ADAM10: variants seen among roughly 807,000 people sequenced by gnomAD.
ADAM10 encodes ADAM metallopeptidase domain 10, also known as disintegrin and metalloproteinase domain-containing protein 10.
Under a neutral mutation model 90.1 loss-of-function variants are expected in ADAM10, and 17 were observed. The ratio of observed to expected loss-of-function variants is 0.19; its 90% confidence interval spans 0.13 to 0.28. The LOEUF (loss-of-function observed/expected upper bound fraction) is 0.28. Among genes scored for constraint, ADAM10 ranks in the 10% least tolerant of loss-of-function variants. The pLI is 1.00. For synonymous variants in ADAM10, 310 were observed against 298.6 expected, an observed-to-expected ratio of 1.04 and a Z score of -0.40; for missense variants, 610 against 914.3, an observed-to-expected ratio of 0.67 and a Z score of 4.29.
intron 5 of ADAM10, among the ~76,000 whole-genome samples, chr15:58,650,977 C>A (rs1466559638): frequency 6.6e-6 from 1 of 151,956 alleles, no homozygotes; most frequent in Non-Finnish European, 1.5e-5. Context: ...ATATATTCAT[C>A]TTTTTTATAC....
At position 58,595,253 on chromosome 15, in the gene ADAM10, A is replaced by C. The variant is rs1304484064; in HGVS notation, c.*2294T>G. The C allele has an allele frequency of 6.6e-6, 1 of 152,104 alleles. No individual in the cohort carries two copies. The allele number at this position is 152,104 out of a possible 1,614,324, so 9.4% of individuals were successfully genotyped here. A position where few individuals can be genotyped will look rare whatever the true frequency, so the allele number is the denominator to read the frequency against. On this transcript the variant is annotated 3_prime_UTR_variant, in exon 16 of 16. Coordinates refer to ENST00000260408, the MANE Select transcript of ADAM10 (RefSeq NM_001110.4). ...GTGTGTACGCAGAGTATCTAACTGG[A>C]AATTTTCTACATGGATTCCAAAGTA...
At chr15:58,631,490 G>A (rs1314669042) in intron 9 of ADAM10, among the ~76,000 whole-genome samples, 1 of 152,180 alleles carries the variant, frequency 6.6e-6, no homozygotes, top group Non-Finnish European at 1.5e-5. Flanking sequence ...CCCTACTGCA[G>A]TGTGGTTCAC....
rs1313874919 is a variant in ADAM10 at position 58,594,993 on chromosome 15, T to A, written c.*2554A>T. ...AGGTAACACTGAAATGTCAATTCTCTCCTTATTTGCTATGAAGAGAAAAAT... is the reference window on the plus strand; with the variant it reads ...AGGTAACACTGAAATGTCAATTCTCACCTTATTTGCTATGAAGAGAAAAAT... On this transcript the variant is annotated 3_prime_UTR_variant, in exon 16 of 16. Transcript: ENST00000260408. The A allele has an allele frequency of 6.6e-6, 1 of 152,170 alleles. No individual in the cohort carries two copies. The highest frequency in any genetic ancestry group is 2.4e-5 in the African/African-American group (1 of 41,448). The allele number at this position is 152,170 out of a possible 1,614,324, so 9.4% of individuals were successfully genotyped here. A position where few individuals can be genotyped will look rare whatever the true frequency, so the allele number is the denominator to read the frequency against.
At chr15:58,604,294 G>A (rs1286633472) in intron 14 of ADAM10, among the ~76,000 whole-genome samples, 2 of 152,180 alleles carry the variant, frequency 1.3e-5, no homozygotes, top group Non-Finnish European at 2.9e-5. Flanking sequence ...CTGGGAGACG[G>A]TGGTTGCAGT....
chr15:58,635,450 T>C (rs1896225309), intron 8 of ADAM10, among the ~76,000 whole-genome samples: 1 of 151,668 alleles, frequency 6.6e-6, no homozygotes, highest in African/African-American at 2.4e-5. Context: ...CAGCAAGGGG[T>C]TGAGAACTTT....
Position 58,621,460 on chromosome 15 carries a change from T to C in ADAM10, c.1511+11A>G, listed in dbSNP as rs776109511. 1.2e-5 allele frequency: 19 copies of C among 1,613,984 alleles called. No individual in the cohort carries two copies. In the South Asian group the frequency reaches 1.9e-4, roughly 16 times the overall value. The stretch of plus-strand genomic sequence containing the variant: ...ACAAGAATGTTAACATCACTGAAAT[T>C]AGCAAGGTACCTGCACTGTTTCCCA... On this transcript the variant is annotated intron_variant, in intron 11 of 15. Coordinates refer to ENST00000260408, the MANE Select transcript of ADAM10 (RefSeq NM_001110.4).
At chr15:58,639,750 C>A (rs1896365652) in intron 8 of ADAM10, among the ~76,000 whole-genome samples, 1 of 151,874 alleles carries the variant, frequency 6.6e-6, no homozygotes, top group African/African-American at 2.4e-5. Context: ...ACTTAAGATA[C>A]TGACTTTTAA....
Position 58,593,084 on chromosome 15 carries a change from A to T in ADAM10, c.*4463T>A, listed in dbSNP as rs772659383. 6.7e-6 allele frequency: 1 copy of T among 149,760 alleles called. No individual in the cohort carries two copies. The highest frequency in any genetic ancestry group is 1.5e-5 in the Non-Finnish European group (1 of 67,526). The allele number at this position is 149,760 out of a possible 1,614,324, so 9.3% of individuals were successfully genotyped here. ...CCATTAAATGAGAAAGGTGGGTTACAAAAGTGTGCATATTATGTTTTTGTC... is the reference window on the plus strand; with the variant it reads ...CCATTAAATGAGAAAGGTGGGTTACTAAAGTGTGCATATTATGTTTTTGTC... On this transcript the variant is annotated 3_prime_UTR_variant, in exon 16 of 16. Transcript: ENST00000260408.
intron 1 of ADAM10, among the ~76,000 whole-genome samples, chr15:58,728,488 A>C (rs893034874): frequency 3.9e-5 from 6 of 152,104 alleles, no homozygotes; most frequent in Non-Finnish European, 7.4e-5. Flanking sequence ...TCACACCTAT[A>C]AGCCCAGCAT....
chr15:58,691,140 G>T, intron 2 of ADAM10: 1 of 693,302 alleles, frequency 1.4e-6, no homozygotes, highest in South Asian at 1.4e-5. Flanking sequence ...GCAGGGTGAA[G>T]ACACAAGCCT....
At chr15:58,727,498 T>C (rs1433687004) in intron 1 of ADAM10, among the ~76,000 whole-genome samples, 4 of 152,140 alleles carry the variant, frequency 2.6e-5, no homozygotes, top group South Asian at 2.1e-4. Context: ...GCCTGGCTAA[T>C]CTTTCTTATT....
Position 58,646,091 on chromosome 15 carries a change from A to T in ADAM10, c.699T>A (p.Phe233Leu). Residue 233 changes from phenylalanine to leucine, a missense_variant, in exon 6 of 16, where the codon TTT becomes TTA. This residue lies in a region of ADAM10 where 310 missense variants were observed against 362.4 expected (regional missense o/e 0.86). Coordinates refer to ENST00000260408, the MANE Select transcript of ADAM10 (RefSeq NM_001110.4). Reference protein sequence around the residue: ...QLYIQTDHLFFKYYGTREAVI... With the variant: ...QLYIQTDHLFLKYYGTREAVI... ...CAGCTTCTCGTGTTCCGTAATATTT[A>T]AAGAACAAATGATCAGTCTGAATAT... The T allele has an allele frequency of 6.2e-7, 1 of 1,613,754 alleles. No individual in the cohort carries two copies. The highest frequency in any genetic ancestry group is 8.5e-7 in the Non-Finnish European group (1 of 1,179,810).
At position 58,594,238 on chromosome 15, in the gene ADAM10, G is replaced by T. The variant is rs1307149767; in HGVS notation, c.*3309C>A. The T allele has an allele frequency of 6.6e-6, 1 of 152,108 alleles. No homozygotes were observed. Among genetic ancestry groups the T allele is most frequent in the Non-Finnish European group, 1.5e-5 (1 of 68,002 alleles). 9.4% of individuals were successfully genotyped at this position (152,108 alleles called of 1,614,324 possible). On this transcript the variant is annotated 3_prime_UTR_variant, in exon 16 of 16. Transcript: ENST00000260408. ...GAATATCTCTTCTTGTACTCCTCCA[G>T]GTGAACTGTCCAGGTTTGTAATGCT...
At chr15:58,726,297 T>C (rs368379553) in intron 1 of ADAM10, among the ~76,000 whole-genome samples, 10 of 151,804 alleles carry the variant, frequency 6.6e-5, no homozygotes, top group African/African-American at 1.9e-4. Context: ...AGAGATAAAA[T>C]TGAATCATTT....
chr15:58,725,869 T>C (rs1387400316), intron 1 of ADAM10, among the ~76,000 whole-genome samples: 2 of 152,176 alleles, frequency 1.3e-5, no homozygotes, highest in Non-Finnish European at 2.9e-5. Flanking sequence ...AACGAAGCCC[T>C]TCTGGGCTTC....
intron 2 of ADAM10, among the ~76,000 whole-genome samples, chr15:58,693,807 C>T (rs1238322460): frequency 6.9e-6 from 1 of 144,574 alleles, no homozygotes; most frequent in African/African-American, 2.6e-5. Context: ...AAAACATTTG[C>T]AATACATATG....
rs1894854129 is a variant in ADAM10 at position 58,592,894 on chromosome 15, G to C, written c.*4653C>G. On this transcript the variant is annotated 3_prime_UTR_variant, in exon 16 of 16. Coordinates refer to ENST00000260408, the MANE Select transcript of ADAM10 (RefSeq NM_001110.4). ...TTTTAGGAATTAATTTCATTATTAG[G>C]CTGAGGATTTTCCTAAGAATTGTTT... 6.7e-6 allele frequency: 1 copy of C among 150,210 alleles called. No homozygotes were observed. Among genetic ancestry groups the C allele is most frequent in the South Asian group, 2.1e-4 (1 of 4,786 alleles). The allele number at this position is 150,210 out of a possible 1,614,324, so 9.3% of individuals were successfully genotyped here.
chr15:58,641,338 C>G (rs987146498), intron 7 of ADAM10, among the ~76,000 whole-genome samples: 2 of 152,152 alleles, frequency 1.3e-5, no homozygotes, highest in Admixed American at 1.3e-4. Context: ...TAGTCCTAAT[C>G]TCCTACATAT....
rs1408410830 is a variant in ADAM10, at chr15:58,593,073, A to T, written c.*4474T>A. 1 of 149,730 alleles carries T rather than the reference A, an allele frequency of 6.7e-6. No homozygotes were observed. Among genetic ancestry groups the T allele is most frequent in the Middle Eastern group, 3.2e-3 (1 of 316 alleles). 9.3% of individuals were successfully genotyped at this position (149,730 alleles called of 1,614,324 possible). A position where few individuals can be genotyped will look rare whatever the true frequency, so the allele number is the denominator to read the frequency against. On this transcript the variant is annotated 3_prime_UTR_variant, in exon 16 of 16. Transcript: ENST00000260408. ...TTATCAATGTACCATTAAATGAGAA[A>T]GGTGGGTTACAAAAGTGTGCATATT...
Sources: gnomAD v4.1 joint callset for allele counts (sites outside exome capture counted in the v4.1 genomes callset) on GRCh38, gnomAD v4.1.1 for gene constraint, gnomAD v4.1.1 regional missense constraint, MANE v1.5 for transcripts, NCBI Gene and HGNC (gene_info 2026-07-23, HGNC 2026-07-21) for gene names.